Variants in RNH1 observed in about 807,000 individuals in gnomAD.
RNH1 encodes the protein ribonuclease inhibitor.
A neutral mutation model predicts 46.1 loss-of-function variants in RNH1; 38 were observed. That is an observed-to-expected ratio of 0.82 (90% CI 0.64 to 1.08). The LOEUF (loss-of-function observed/expected upper bound fraction) is 1.08. Among genes scored for constraint, RNH1 ranks in the 50% least tolerant of loss-of-function variants. The pLI is 0.00. For synonymous variants in RNH1, 319 were observed against 279.1 expected (o/e 1.14, Z -1.43); for missense variants, 577 against 590.7 (o/e 0.98, Z 0.24).
In RNH1 at chr11:504,933, C is replaced by T. The variant is rs1266416831; in HGVS notation, c.-197G>A. On this transcript the variant is annotated 5_prime_UTR_variant, in exon 2 of 11. Coordinates refer to ENST00000354420, the MANE Select transcript of RNH1 (RefSeq NM_203387.3). ...GCTGTGAGGACGGGTTTTGGAGCGC[C>T]GCTCGGCCGTCCTCAAAACTTTGGA... is the stretch of plus-strand genomic sequence containing the variant. 6.6e-6 allele frequency: 1 copy of T among 152,194 alleles called. No individual in the cohort carries two copies. Among genetic ancestry groups the T allele is most frequent in the African/African-American group, 2.4e-5 (1 of 41,450 alleles). 9.4% of individuals were successfully genotyped at this position (152,194 alleles called of 1,614,324 possible). A position where few individuals can be genotyped will look rare whatever the true frequency, so the allele number is the denominator to read the frequency against.
Position 501,710 on chromosome 11 carries a change from A to G in RNH1, c.101+352T>C, listed in dbSNP as rs1012835204. The G allele has an allele frequency of 2.3e-5, 6 of 261,172 alleles. No individual in the cohort carries two copies. Among genetic ancestry groups the G allele is most frequent in the Non-Finnish European group, 3.7e-5 (5 of 134,870 alleles). The allele number at this position is 261,172 out of a possible 1,614,324, so 16.2% of individuals were successfully genotyped here. On this transcript the variant is annotated intron_variant, in intron 3 of 10. Coordinates refer to ENST00000354420, the MANE Select transcript of RNH1 (RefSeq NM_203387.3). The surrounding 1 kb of genome is among the most constrained non-coding windows in gnomAD (Gnocchi z 4.1). ...ACTCCCAGCCCCCAGCTTGGCAGGGACAAGCAGCGCCCCATGGAGGCTCAC... is the reference window on the plus strand; with the variant it reads ...ACTCCCAGCCCCCAGCTTGGCAGGGGCAAGCAGCGCCCCATGGAGGCTCAC...
In RNH1 at chr11:502,578, G is replaced by A. The variant is rs188974801; in HGVS notation, c.-87-329C>T. On this transcript the variant is annotated intron_variant, in intron 2 of 10. Transcript: ENST00000354420. This position sits in a 1 kb window ranked among gnomAD's most constrained non-coding sequence, Gnocchi z 5.8. ...GACAGGGTAGGGTGGGGTGGTCTGT[G>A]AGCCTGGAGGCCCCAGCAGGGGAGC... 5.5e-5 allele frequency: 13 copies of A among 235,170 alleles called. 1 individual carries two copies. In the East Asian group the frequency reaches 1.3e-3, roughly 23 times the overall value. The allele number at this position is 235,170 out of a possible 1,614,324, so 14.6% of individuals were successfully genotyped here. A position where few individuals can be genotyped will look rare whatever the true frequency, so the allele number is the denominator to read the frequency against.
Position 506,806 on chromosome 11 carries a change from C to G in RNH1, c.-261+307G>C, listed in dbSNP as rs962831654. ...GGCTTGACGGCCACGTGAGGACGAA[C>G]CACGCAGGCGCAGCCCCGCGCCCCG... On this transcript the variant is annotated intron_variant, in intron 1 of 10. Transcript: ENST00000354420. 5.3e-5 allele frequency: 8 copies of G among 152,280 alleles called. 1 individual carries two copies. In the East Asian group the frequency reaches 1.3e-3, roughly 26 times the overall value. The allele number at this position is 152,280 out of a possible 1,614,324, so 9.4% of individuals were successfully genotyped here.
At position 499,810 on chromosome 11, in the gene RNH1, G is replaced by C. The variant is rs1309829260; in HGVS notation, c.443+19C>G. The C allele has an allele frequency of 1.9e-6, 3 of 1,598,846 alleles. No homozygotes were observed. The South Asian group carries it at 3.4e-5, about 18-fold the overall frequency. ...CAGGCAGCGGCCAGCATGGGCCCTG[G>C]GGCAGGACACAAACTCACTGCAGCT... is the stretch of plus-strand genomic sequence containing the variant. On this transcript the variant is annotated intron_variant, in intron 5 of 10. Coordinates refer to ENST00000354420, the MANE Select transcript of RNH1 (RefSeq NM_203387.3).
In RNH1 at chr11:498,032, C is replaced by A; in HGVS notation, c.1066G>T (p.Ala356Ser). The A allele has an allele frequency of 1.2e-6, 2 of 1,614,174 alleles. No homozygotes were observed. The highest frequency in any genetic ancestry group is 1.7e-6 in the Non-Finnish European group (2 of 1,180,048). Residue 356 changes from alanine to serine, a missense_variant, in exon 9 of 11, where the codon GCG becomes TCG. Coordinates refer to ENST00000354420, the MANE Select transcript of RNH1 (RefSeq NM_203387.3). ...LQISNNRLEDAGVRELCQGLG... is the reference protein window; with the variant it reads ...LQISNNRLEDSGVRELCQGLG... ...CCCTGGCACAGCTCCCGCACGCCCGCATCCTCCAGCCTGTTGTTGCTTATC... is the reference window on the plus strand; with the variant it reads ...CCCTGGCACAGCTCCCGCACGCCCGAATCCTCCAGCCTGTTGTTGCTTATC...
At chr11:496,049 A>G (rs1849025443) in intron 9 of RNH1, among the ~76,000 whole-genome samples, 1 of 150,036 alleles carries the variant, frequency 6.7e-6, no homozygotes, top group Non-Finnish European at 1.5e-5. Context: ...TCCACAAGAC[A>G]TCAGGACAGG....
chr11:500,056 G>C (rs12417451), intron 4 of RNH1, 57 bp from the exon 5 acceptor site: 1 of 1,469,472 alleles, frequency 6.8e-7, no homozygotes, highest in Non-Finnish European at 9.0e-7. Context: ...CACGCCCTTC[G>C]CCTGCCAGAG....
intron 9 of RNH1, among the ~76,000 whole-genome samples, chr11:496,161 G>A (rs1458781235): frequency 6.6e-6 from 1 of 152,064 alleles, no homozygotes. Flanking sequence ...AAAGAACCAA[G>A]ACCCCCATCA....
At position 494,626 on chromosome 11, in the gene RNH1, GGGCTGGTGGGCCCCAGGGTTGCCTCGA is replaced by G; in HGVS notation, c.*38_*64del. On this transcript the variant is annotated 3_prime_UTR_variant, in exon 11 of 11. Transcript: ENST00000354420. ...GATATGCAGGGTGAGAGCATGGCAG[GGGCTGGTGGGCCCCAGGGTTGCCTCGA>G]GGCCGGTCGTCCAGGGAGAGCAGCA... The G allele has an allele frequency of 7.1e-7, 1 of 1,399,576 alleles. No homozygotes were observed. Among genetic ancestry groups the G allele is most frequent in the Non-Finnish European group, 1.0e-6 (1 of 989,920 alleles). 86.7% of individuals were successfully genotyped at this position (1,399,576 alleles called of 1,614,324 possible).
In RNH1 at chr11:498,546, G is replaced by A; in HGVS notation, c.867C>T (p.Leu289=). 2 of 1,613,214 alleles carry A rather than the reference G, an allele frequency of 1.2e-6. No individual in the cohort carries two copies. The highest frequency in any genetic ancestry group is 2.7e-5 in the African/African-American group (2 of 75,062). Residue 289 remains leucine (L), a synonymous_variant, in exon 8 of 11, where the codon CTC becomes CTT. Coordinates refer to ENST00000354420, the MANE Select transcript of RNH1 (RefSeq NM_203387.3). ...VLRAKESLKE[L]SLAGNELGDE... Reference sequence around the variant, plus strand: ...CCCCCAGCTCGTTGCCGGCCAGGCTGAGCTCCTTCAGGCTCTCCTTGGCCC... The same window carrying A: ...CCCCCAGCTCGTTGCCGGCCAGGCTAAGCTCCTTCAGGCTCTCCTTGGCCC...
chr11:498,276 C>G (rs981622201), intron 8 of RNH1, 135 bp from the exon 9 acceptor site: 1 of 1,250,670 alleles, frequency 8.0e-7, no homozygotes, highest in Non-Finnish European at 1.1e-6. Context: ...GGCACCTACA[C>G]CTGGTCCTTG....
chr11:494,797 G>T lies in RNH1; in HGVS notation c.1299-19C>A. The T allele has an allele frequency of 6.2e-7, 1 of 1,613,592 alleles. No homozygotes were observed. Among genetic ancestry groups the T allele is most frequent in the South Asian group, 1.1e-5 (1 of 91,084 alleles). On this transcript the variant is annotated intron_variant, in intron 10 of 10. Transcript: ENST00000354420. ...GTACAGGCTGCACACAGGCCAGAAG[G>T]GAGGCATGGGCCCGTGTCCTCCCCC...
At chr11:503,783 C>T (rs561367013) in intron 2 of RNH1, among the ~76,000 whole-genome samples, 33 of 152,256 alleles carry the variant, frequency 2.2e-4, no homozygotes, top group African/African-American at 7.2e-4. Context: ...CCAGTGCTCC[C>T]GTGACCATCT....
Position 499,098 on chromosome 11 carries a change from AACC to A in RNH1, c.528_530del (p.Val177del). On this transcript the variant is annotated inframe_deletion, in exon 6 of 11. Transcript: ENST00000354420. Reference sequence around the variant, plus strand: ...CAGCCTCATTGATGTCGTTGTTGCTAACCGTGAGCTCCTTGAAGTCCGGCTTGG... The same window carrying A: ...CAGCCTCATTGATGTCGTTGTTGCTAGTGAGCTCCTTGAAGTCCGGCTTGG... 2 of 1,613,432 alleles carry A rather than the reference AACC, an allele frequency of 1.2e-6. No individual in the cohort carries two copies. Among genetic ancestry groups the A allele is most frequent in the African/African-American group, 2.7e-5 (2 of 75,026 alleles).
At chr11:498,402 G>C (rs76149492) in intron 8 of RNH1, 55 bp downstream of exon 8, 9 of 1,592,490 alleles carry the variant, frequency 5.7e-6, no homozygotes, top group Non-Finnish European at 7.7e-6. Flanking sequence ...TGGTCTCCTC[G>C]GTCACCCTGG....
intron 4 of RNH1, 130 bp from the exon 5 acceptor site, chr11:500,129 G>A: frequency 1.8e-6 from 2 of 1,140,114 alleles, no homozygotes; most frequent in Admixed American, 5.8e-5. Context: ...CCTGGACGGG[G>A]CTCTGGGGTC....
chr11:498,696 G>T (rs529567422), intron 7 of RNH1, 67 bp downstream of exon 7: 6 of 1,597,378 alleles, frequency 3.8e-6, no homozygotes, highest in Non-Finnish European at 5.1e-6. Context: ...CCCAGGGGCG[G>T]GGGAGAGCTC....
Position 497,962 on chromosome 11 carries a change from C to T in RNH1, c.1127+9G>A. On this transcript the variant is annotated intron_variant, in intron 9 of 10. Transcript: ENST00000354420. ...CAAATGTGCATACTCGTGTCCCTCACACACTCACCAGAGCACCCGCAGCAC... is the reference window on the plus strand; with the variant it reads ...CAAATGTGCATACTCGTGTCCCTCATACACTCACCAGAGCACCCGCAGCAC... 6.2e-7 allele frequency: 1 copy of T among 1,611,240 alleles called. No individual in the cohort carries two copies. Among genetic ancestry groups the T allele is most frequent in the Non-Finnish European group, 8.5e-7 (1 of 1,178,636 alleles).
At position 499,891 on chromosome 11, in the gene RNH1, A is replaced by G; in HGVS notation, c.381T>C (p.Asp127=). The G allele has an allele frequency of 6.2e-7, 1 of 1,613,304 alleles. No homozygotes were observed. Among genetic ancestry groups the G allele is most frequent in the Non-Finnish European group, 8.5e-7 (1 of 1,179,936 alleles). The part of the protein sequence containing the change: ...ELHLSDNLLG[D]AGLQLLCEGL... ...CTTCGCAGAGCAGCTGCAGGCCCGC[A>G]TCCCCCAAGAGGTTGTCGCTGAGGT... Residue 127 remains aspartate (D), a synonymous_variant, in exon 5 of 11, where the codon GAT becomes GAC. Coordinates refer to ENST00000354420, the MANE Select transcript of RNH1 (RefSeq NM_203387.3).
Sources: gnomAD v4.1 joint callset for allele counts (sites outside exome capture counted in the v4.1 genomes callset) on GRCh38, gnomAD v4.1.1 for gene constraint, Gnocchi (gnomAD v3.1) non-coding constraint, MANE v1.5 for transcripts, NCBI Gene and HGNC (gene_info 2026-07-23, HGNC 2026-07-21) for gene names.